Variants in CPQ observed in about 807,000 individuals in gnomAD.
CPQ encodes the protein Ser-Met dipeptidase.
CPQ carries 37 observed loss-of-function variants against 45.7 expected under a neutral mutation model. That is an observed-to-expected ratio of 0.81 (90% CI 0.62 to 1.07). CPQ has a LOEUF of 1.07. Among genes scored for constraint, CPQ ranks in the 50% least tolerant of loss-of-function variants. CPQ has a pLI of 0.00. For missense variants in CPQ, 537 were observed against 572.9 expected (o/e 0.94, Z 0.64); for synonymous variants, 186 against 205.8 (o/e 0.90, Z 0.82).
intron 3 of CPQ, among the ~76,000 whole-genome samples, chr8:96,838,964 T>A (rs1325476317): frequency 1.3e-5 from 2 of 152,112 alleles, no homozygotes; most frequent in Non-Finnish European, 1.5e-5. Context: ...TGAACAAAGA[T>A]GTTTTGAGTT....
At chr8:96,746,038 C>T (rs1045769209) in intron 1 of CPQ, among the ~76,000 whole-genome samples, 4 of 152,134 alleles carry the variant, frequency 2.6e-5, no homozygotes, top group Admixed American at 6.5e-5. Flanking sequence ...TGAAACTAGC[C>T]GCAATGTGAA....
intron 5 of CPQ, among the ~76,000 whole-genome samples, chr8:97,019,922 CAT>C (rs113898455): frequency 0.023 from 3,478 of 152,216 alleles, 79 homozygotes; most frequent in African/African-American, 0.063. Context: ...GCAGAATATA[CAT>C]ATTCTATTCA....
rs534741699 is a variant in CPQ at position 96,652,774 on chromosome 8, C to G, written c.-35+7372C>G. Among the ~76,000 whole-genome samples the G allele has an allele frequency of 5.3e-5, 8 of 151,936 alleles. No homozygotes were observed. The South Asian group carries it at 1.5e-3, about 28-fold the overall frequency. ...CAGCCTCCTGAGTAGCTGGGACTAC[C>G]GGCGCCCGCCACCATGCCCGGCTAA... On this transcript the variant is annotated intron_variant, in intron 1 of 7. Coordinates refer to ENST00000220763, the MANE Select transcript of CPQ (RefSeq NM_016134.4).
chr8:96,953,454 CTCT>C (rs1348952841), intron 4 of CPQ, among the ~76,000 whole-genome samples: 1 of 152,104 alleles, frequency 6.6e-6, no homozygotes, highest in Non-Finnish European at 1.5e-5. Context: ...GGCAAGTCTA[CTCT>C]TCTTGCAGAT....
chr8:96,975,459 T>C (rs1813759337), intron 5 of CPQ, among the ~76,000 whole-genome samples: 1 of 151,590 alleles, frequency 6.6e-6, no homozygotes, highest in African/African-American at 2.4e-5. Flanking sequence ...AAATAGAGAA[T>C]CATCCCTAAC....
intron 5 of CPQ, among the ~76,000 whole-genome samples, chr8:96,998,855 G>A (rs930688239): frequency 2.0e-5 from 3 of 151,800 alleles, no homozygotes; most frequent in African/African-American, 7.3e-5. Context: ...GCTGTTCTAT[G>A]CTATTTGCTG....
intron 1 of CPQ, among the ~76,000 whole-genome samples, chr8:96,687,169 CT>C (rs576781322): frequency 0.024 from 3,622 of 150,952 alleles, 160 homozygotes; most frequent in African/African-American, 0.083. Context: ...CTTTTCTTTT[CT>C]TTTCTTTCTC....
At chr8:97,067,283 T>C (rs748736316) in intron 7 of CPQ, among the ~76,000 whole-genome samples, 7 of 152,106 alleles carry the variant, frequency 4.6e-5, no homozygotes, top group Admixed American at 6.6e-5. Context: ...TACCTAAGCC[T>C]GGCCATTGAA....
intron 4 of CPQ, among the ~76,000 whole-genome samples, chr8:96,961,029 C>T (rs1022925681): frequency 6.6e-6 from 1 of 152,080 alleles, no homozygotes; most frequent in African/African-American, 2.4e-5. Flanking sequence ...GTCCATGTCT[C>T]CTGGTATTAG....
intron 7 of CPQ, among the ~76,000 whole-genome samples, chr8:97,122,968 AAAT>A (rs1811748417): frequency 1.3e-5 from 1 of 78,624 alleles, no homozygotes; most frequent in East Asian, 4.1e-4. Flanking sequence ...AAATAAAATA[AAAT>A]AAAATAAAAT....
At chr8:96,997,169 G>A (rs1809192784) in intron 5 of CPQ, among the ~76,000 whole-genome samples, 1 of 151,886 alleles carries the variant, frequency 6.6e-6, no homozygotes, top group Admixed American at 6.6e-5. Flanking sequence ...TCCACTTTTA[G>A]TTTTTTCTCT....
At chr8:97,093,729 T>C (rs1265469077) in intron 7 of CPQ, among the ~76,000 whole-genome samples, 1 of 152,190 alleles carries the variant, frequency 6.6e-6, no homozygotes, top group Non-Finnish European at 1.5e-5. Context: ...TCTTCCTTTC[T>C]GTATTCTTTG....
chr8:96,772,772 C>T (rs1027140651), intron 1 of CPQ, among the ~76,000 whole-genome samples: 2 of 152,092 alleles, frequency 1.3e-5, no homozygotes, highest in African/African-American at 4.8e-5. Flanking sequence ...TTCTTATTGA[C>T]CTGTGTGAGT....
intron 6 of CPQ, among the ~76,000 whole-genome samples, chr8:97,048,724 T>C (rs894334430): frequency 1.3e-5 from 2 of 152,210 alleles, no homozygotes; most frequent in Admixed American, 6.5e-5. Context: ...CAAAGCCTAA[T>C]ACAACAGAGG....
At chr8:96,696,871 T>C (rs1336482341) in intron 1 of CPQ, among the ~76,000 whole-genome samples, 1 of 152,156 alleles carries the variant, frequency 6.6e-6, no homozygotes, top group African/African-American at 2.4e-5. Context: ...GAAGCCATAA[T>C]GGAAAGTCTC....
At chr8:96,680,176 A>C (rs1809130647) in intron 1 of CPQ, among the ~76,000 whole-genome samples, 1 of 152,186 alleles carries the variant, frequency 6.6e-6, no homozygotes, top group Non-Finnish European at 1.5e-5. Flanking sequence ...TCATTGATGC[A>C]ATAGTCATTC....
At chr8:96,925,791 G>A (rs1812866555) in intron 4 of CPQ, among the ~76,000 whole-genome samples, 1 of 151,872 alleles carries the variant, frequency 6.6e-6, no homozygotes, top group African/African-American at 2.4e-5. Flanking sequence ...TTGGGTTCAA[G>A]TGATTCCCCT....
chr8:97,115,792 G>A (rs1811578146), intron 7 of CPQ, among the ~76,000 whole-genome samples: 1 of 152,188 alleles, frequency 6.6e-6, no homozygotes, highest in South Asian at 2.1e-4. Flanking sequence ...GCCAGCTCTA[G>A]TTAATTTATG....
intron 1 of CPQ, among the ~76,000 whole-genome samples, chr8:96,707,993 G>A (rs1364015168): frequency 6.6e-6 from 1 of 152,092 alleles, no homozygotes; most frequent in Non-Finnish European, 1.5e-5. Context: ...CTAAAATCAA[G>A]GTGCCCTCAG....
Sources: gnomAD v4.1 joint callset for allele counts (sites outside exome capture counted in the v4.1 genomes callset) on GRCh38, gnomAD v4.1.1 for gene constraint, MANE v1.5 for transcripts, NCBI Gene and HGNC (gene_info 2026-07-23, HGNC 2026-07-21) for gene names.